The following SEC22B variants were observed in gnomAD, a reference collection of about 807,000 sequenced individuals.
SEC22B encodes the protein SEC22 homolog B, vesicle trafficking protein, also known as vesicle-trafficking protein SEC22b.
A neutral mutation model predicts 31.4 loss-of-function variants in SEC22B; 10 were observed. That is an observed-to-expected ratio of 0.32 (90% confidence interval 0.20 to 0.54). SEC22B has a LOEUF of 0.54. SEC22B is among the 20% of genes least tolerant of loss of function. The pLI, the probability that SEC22B is intolerant of heterozygous loss-of-function variation, is 0.94. For synonymous variants in SEC22B, 60 were observed against 95.9 expected (o/e 0.63, Z 2.19); for missense variants, 130 against 263.4 (o/e 0.49, Z 3.50).
intron 2 of SEC22B, among the ~76,000 whole-genome samples, chr1:120,165,895 C>T (rs2101129969): frequency 1.3e-5 from 2 of 149,656 alleles, no homozygotes; most frequent in Admixed American, 6.6e-5. Context: ...TTTCATTCAT[C>T]TGATGAGGAA....
Position 120,153,662 on chromosome 1 carries a change from TAATTCAAATTGTAG to T in SEC22B, c.*3362_*3375del, listed in dbSNP as rs1471451383. 6.0e-5 allele frequency: 7 copies of T among 116,578 alleles called. No individual in the cohort carries two copies. Among genetic ancestry groups the T allele is most frequent in the Non-Finnish European group, 1.2e-4 (7 of 60,662 alleles). 7.2% of individuals were successfully genotyped at this position (116,578 alleles called of 1,614,324 possible). A position where few individuals can be genotyped will look rare whatever the true frequency, so the allele number is the denominator to read the frequency against. ...AAAAATATATCTCTCTCCACAAAGT[TAATTCAAATTGTAG>T]AATTCTTCCAAGTCACAGATGGAGT... On this transcript the variant is annotated 3_prime_UTR_variant, in exon 5 of 5. Transcript: ENST00000578049.
At chr1:120,165,453 T>C (rs1216312478) in intron 2 of SEC22B, among the ~76,000 whole-genome samples, 1 of 152,162 alleles carries the variant, frequency 6.6e-6, no homozygotes, top group Non-Finnish European at 1.5e-5. Context: ...GTTAGGCTAC[T>C]AAGTGGTTTT....
chr1:120,161,124 C>T (rs1657709720), intron 3 of SEC22B, among the ~76,000 whole-genome samples: 1 of 151,890 alleles, frequency 6.6e-6, no homozygotes, highest in Non-Finnish European at 1.5e-5. Context: ...AAATTAAGAC[C>T]CACTATAGTA....
rs1657638534 is a variant in SEC22B at position 120,157,028 on chromosome 1, A to T, written c.*10T>A. ...TAGGTTCTCCCTTACCAGTGACTGTATTCATTATTTCACAGCCACCAGAAT... is the reference window on the plus strand; with the variant it reads ...TAGGTTCTCCCTTACCAGTGACTGTTTTCATTATTTCACAGCCACCAGAAT... On this transcript the variant is annotated 3_prime_UTR_variant, in exon 5 of 5. Transcript: ENST00000578049. 5.8e-6 allele frequency: 7 copies of T among 1,217,068 alleles called. No homozygotes were observed. The highest frequency in any genetic ancestry group is 2.2e-5 in the Admixed American group (1 of 44,608). 75.4% of individuals were successfully genotyped at this position (1,217,068 alleles called of 1,614,324 possible). A position where few individuals can be genotyped will look rare whatever the true frequency, so the allele number is the denominator to read the frequency against.
rs1553230209 is a variant in SEC22B, at chr1:120,176,349, C to T, written c.33G>A (p.Ala11=). Residue 11 remains alanine, a synonymous_variant, in exon 1 of 5, where the codon GCG becomes GCA. Coordinates refer to ENST00000578049, the MANE Select transcript of SEC22B (RefSeq NM_004892.6). ...TCGAGGCGGCCAGCGGGAGCCCGTC[C>T]GCCACTCGGGCGATCATTGTTAGCA... MVLLTMIARV[A]DGLPLAASMQ... 1.9e-6 allele frequency: 3 copies of T among 1,613,466 alleles called. No individual in the cohort carries two copies. The highest frequency in any genetic ancestry group is 2.5e-6 in the Non-Finnish European group (3 of 1,179,840).
chr1:120,166,340 A>C (rs1402116643), intron 2 of SEC22B, among the ~76,000 whole-genome samples: 1 of 150,608 alleles, frequency 6.6e-6, no homozygotes, highest in African/African-American at 2.5e-5. Context: ...ATATCTATGG[A>C]TAGATAATCA....
chr1:120,165,722 T>C (rs1657794423), intron 2 of SEC22B, among the ~76,000 whole-genome samples: 1 of 152,144 alleles, frequency 6.6e-6, no homozygotes. Flanking sequence ...TTCTTTTCTG[T>C]TGCCTGTGCT....
chr1:120,171,377 A>AG (rs1657892937), intron 1 of SEC22B, among the ~76,000 whole-genome samples: 1 of 107,462 alleles, frequency 9.3e-6, no homozygotes, highest in South Asian at 3.2e-4. Context: ...TGTATCAACT[A>AG]TAAGAAACTG....
At chr1:120,160,910 A>AAC (rs1557893732) in intron 3 of SEC22B, among the ~76,000 whole-genome samples, 3 of 150,326 alleles carry the variant, frequency 2.0e-5, no homozygotes, top group Admixed American at 6.6e-5. Context: ...AAAAAAAAAA[A>AAC]CCAAAACAGT....
intron 2 of SEC22B, among the ~76,000 whole-genome samples, chr1:120,165,703 T>C (rs1237623123): frequency 3.3e-5 from 5 of 152,192 alleles, no homozygotes; most frequent in Admixed American, 3.3e-4. Context: ...ACAGTCCCAT[T>C]TGTCTACTTT....
At chr1:120,176,162 C>A (rs1204277157) in intron 1 of SEC22B, 145 bp downstream of exon 1, 1 of 679,490 alleles carries the variant, frequency 1.5e-6, no homozygotes, top group Non-Finnish European at 2.5e-6. Context: ...GTCTCTCCTA[C>A]ACCAAAAGAT....
intron 2 of SEC22B, among the ~76,000 whole-genome samples, chr1:120,164,498 A>G (rs1308476416): frequency 3.2e-3 from 476 of 148,724 alleles, no homozygotes; most frequent in Middle Eastern, 0.01. Context: ...TAGCTTATAA[A>G]CTTATAAATG....
intron 1 of SEC22B, among the ~76,000 whole-genome samples, chr1:120,172,931 A>G (rs1171563408): frequency 6.9e-6 from 1 of 143,938 alleles, no homozygotes; most frequent in East Asian, 2.0e-4. Flanking sequence ...GAAGGTAGTA[A>G]CTAGACACAC....
intron 2 of SEC22B, among the ~76,000 whole-genome samples, chr1:120,166,478 C>G (rs1200508414): frequency 6.7e-6 from 1 of 148,982 alleles, no homozygotes; most frequent in Non-Finnish European, 1.5e-5. Context: ...CTATCATTAG[C>G]AGCAACATGG....
At chr1:120,167,625 T>C (rs1239944480) in intron 2 of SEC22B, among the ~76,000 whole-genome samples, 2 of 151,984 alleles carry the variant, frequency 1.3e-5, no homozygotes, top group African/African-American at 4.8e-5. Context: ...TAAGATATTA[T>C]AGTATACTTG....
Position 120,153,103 on chromosome 1 carries a change from T to C in SEC22B, c.*3935A>G, listed in dbSNP as rs1553228939. On this transcript the variant is annotated 3_prime_UTR_variant, in exon 5 of 5. Coordinates refer to ENST00000578049, the MANE Select transcript of SEC22B (RefSeq NM_004892.6). ...TATGAGAACTGAGTGACTACATTGC[T>C]TCAGATAGTTTTATACTGCTAGGTC... The C allele has an allele frequency of 6.6e-6, 1 of 151,856 alleles. No individual in the cohort carries two copies. Among genetic ancestry groups the C allele is most frequent in the Non-Finnish European group, 1.5e-5 (1 of 68,000 alleles). 9.4% of individuals were successfully genotyped at this position (151,856 alleles called of 1,614,324 possible).
At chr1:120,167,343 G>A (rs1343182631) in intron 2 of SEC22B, among the ~76,000 whole-genome samples, 14 of 152,100 alleles carry the variant, frequency 9.2e-5, no homozygotes, top group African/African-American at 3.4e-4. Flanking sequence ...ATGGCGGACT[G>A]TTCTCCAACA....
chr1:120,174,332 T>C (rs1657928369), intron 1 of SEC22B, among the ~76,000 whole-genome samples: 1 of 152,304 alleles, frequency 6.6e-6, no homozygotes, highest in African/African-American at 2.4e-5. Flanking sequence ...TTCTGTATAC[T>C]ATTAAAATAG....
chr1:120,155,411 A>AT lies in SEC22B; in HGVS notation c.*1626dup, dbSNP rs1657613281. 6.7e-6 allele frequency: 1 copy of AT among 150,254 alleles called. No individual in the cohort carries two copies. Among genetic ancestry groups the AT allele is most frequent in the Non-Finnish European group, 1.5e-5 (1 of 67,446 alleles). 9.3% of individuals were successfully genotyped at this position (150,254 alleles called of 1,614,324 possible). ...AGGGACTTAAAAGCACTGATTATCT[A>AT]TAAAAAGTAACTTCATATTTCATGC... On this transcript the variant is annotated 3_prime_UTR_variant, in exon 5 of 5. Transcript: ENST00000578049.
Sources: allele counts gnomAD v4.1 joint callset (sites outside exome capture counted in the v4.1 genomes callset), GRCh38; gene constraint gnomAD v4.1.1; transcripts MANE v1.5; gene names NCBI Gene and HGNC (gene_info 2026-07-23, HGNC 2026-07-21).